LPAR6: variants seen among roughly 807,000 people sequenced by gnomAD.
LPAR6 encodes the protein G-protein coupled purinergic receptor P2Y5.
LPAR6 carries 17 observed loss-of-function variants against 22.0 expected under a neutral mutation model. The ratio of observed to expected loss-of-function variants is 0.77; its 90% confidence interval spans 0.53 to 1.16. LPAR6 has a LOEUF of 1.16. LPAR6 is among the 50% of genes most tolerant of loss of function. The pLI, the probability that LPAR6 is intolerant of heterozygous loss-of-function variation, is 0.00. For missense variants in LPAR6, 384 were observed against 406.9 expected (o/e 0.94, Z 0.48); for synonymous variants, 136 against 139.8 (o/e 0.97, Z 0.19).
chr13:48,406,004 A>AT (rs1247440137), intron 1 of LPAR6, among the ~76,000 whole-genome samples: 1 of 152,048 alleles, frequency 6.6e-6, no homozygotes, highest in Non-Finnish European at 1.5e-5. Context: ...TATTTTGTAT[A>AT]TATACTACAG....
At chr13:48,440,948 GA>G (rs1277138549) in intron 1 of LPAR6, among the ~76,000 whole-genome samples, 3 of 152,008 alleles carry the variant, frequency 2.0e-5, no homozygotes, top group African/African-American at 7.2e-5. Context: ...ATGTAGGGAA[GA>G]AAAAAAGAAT....
chr13:48,420,708 T>C (rs1485410506), intron 2 of LPAR6, among the ~76,000 whole-genome samples: 7 of 152,178 alleles, frequency 4.6e-5, no homozygotes, highest in Admixed American at 4.6e-4. Flanking sequence ...ACAAAATTAA[T>C]GTGCAGAAAT....
At chr13:48,403,133 C>T (rs543248523) in intron 1 of LPAR6, among the ~76,000 whole-genome samples, 131 of 152,176 alleles carry the variant, frequency 8.6e-4, no homozygotes, top group African/African-American at 3.1e-3. Context: ...TTAAAGATCT[C>T]CTGTGTTTTG....
At position 48,411,647 on chromosome 13, in the gene LPAR6, T is replaced by C. The variant is rs1371085539; in HGVS notation, c.777A>G (p.Thr259=). 2 of 1,611,542 alleles carry C rather than the reference T, an allele frequency of 1.2e-6. No individual in the cohort carries two copies. Among genetic ancestry groups the C allele is most frequent in the African/African-American group, 2.7e-5 (2 of 74,854 alleles). ...LILYSLVRTQ[T]FVNCSVVAAV... The stretch of plus-strand genomic sequence containing the variant: ...CTGCCACTACTGAGCAATTAACAAA[T>C]GTTTGTGTTCTCACAAGAGAATATA... The change falls in exon 1 of 1, where the codon ACA becomes ACG. Residue 259 remains threonine, a synonymous_variant. Transcript: ENST00000620633.
chr13:48,426,844 G>C (rs1593506761), intron 1 of LPAR6: 1 of 152,270 alleles, frequency 6.6e-6, no homozygotes, highest in Admixed American at 6.5e-5. Context: ...AAAGAGTAGG[G>C]TTTAGTTGGC....
upstream of LPAR6, among the ~76,000 whole-genome samples, chr13:48,417,847 G>A (rs780184517): frequency 7.9e-5 from 12 of 151,998 alleles, no homozygotes; most frequent in Non-Finnish European, 1.5e-4. Flanking sequence ...GAAAAGAAAC[G>A]AACAAAGCCT....
intron 1 of LPAR6, among the ~76,000 whole-genome samples, chr13:48,405,217 AT>A (rs1461352480): frequency 6.6e-6 from 1 of 152,222 alleles, no homozygotes; most frequent in African/African-American, 2.4e-5. Flanking sequence ...TTCATAAAGA[AT>A]GCCTTCAACA....
intron 1 of LPAR6, among the ~76,000 whole-genome samples, chr13:48,403,940 G>T (rs1176123077): frequency 6.6e-6 from 1 of 152,154 alleles, no homozygotes; most frequent in Non-Finnish European, 1.5e-5. Context: ...AGTTGAGGCT[G>T]CAGGGAGCCG....
Position 48,411,575 on chromosome 13 carries a change from G to C in LPAR6, c.849C>G (p.Asn283Lys). Residue 283 changes from asparagine (N) to lysine (K), a missense_variant, in exon 1 of 1, where the codon AAC becomes AAG. Coordinates refer to ENST00000620633, the MANE Select transcript of LPAR6 (RefSeq NM_001162498.3). ...AGTAAACTATAGGGTCAAAACAACA[G>C]TTGGAAACAGCAATACAGAGAGTGA... Reference protein sequence around the residue: ...YPITLCIAVSNCCFDPIVYYF... With the variant: ...YPITLCIAVSKCCFDPIVYYF... 6.2e-7 allele frequency: 1 copy of C among 1,613,570 alleles called. No homozygotes were observed. The highest frequency in any genetic ancestry group is 8.5e-7 in the Non-Finnish European group (1 of 1,179,696).
intron 1 of LPAR6, among the ~76,000 whole-genome samples, chr13:48,441,523 T>C (rs1276501113): frequency 6.6e-6 from 1 of 152,158 alleles, no homozygotes; most frequent in African/African-American, 2.4e-5. Flanking sequence ...TGTTTCAGAA[T>C]TGGAAGCTTT....
intron 1 of LPAR6, among the ~76,000 whole-genome samples, chr13:48,442,351 C>T (rs1452974584): frequency 6.6e-6 from 1 of 152,156 alleles, no homozygotes; most frequent in South Asian, 2.1e-4. Flanking sequence ...CAGGCGCATG[C>T]AACCATGCCC....
downstream of LPAR6, among the ~76,000 whole-genome samples, chr13:48,409,150 CTTT>C (rs1282281494): frequency 5.3e-5 from 7 of 131,006 alleles, no homozygotes; most frequent in East Asian, 4.4e-4. Context: ...TTTCTTTTCT[CTTT>C]TTTTTTTTTT....
In LPAR6 at chr13:48,392,298, A is replaced by T. The variant is rs541016564; in HGVS notation, n.115-2486T>A. Among the ~76,000 whole-genome samples the T allele has an allele frequency of 1.3e-3, 202 of 152,136 alleles. 2 individuals are homozygous for T. The highest frequency in any genetic ancestry group is 6.8e-3 in the Middle Eastern group (2 of 294). On this transcript the variant is annotated intron_variant and non_coding_transcript_variant, in intron 1 of 1. Coordinates refer to the LPAR6 transcript ENST00000462781. ...GCTAATTTTTGTATTTTTAGTAAAGATGGGGTTTCACCATGCTGGCCAGGC... is the reference window on the plus strand; with the variant it reads ...GCTAATTTTTGTATTTTTAGTAAAGTTGGGGTTTCACCATGCTGGCCAGGC...
intron 1 of LPAR6, among the ~76,000 whole-genome samples, chr13:48,423,618 A>G (rs1949039076): frequency 6.6e-6 from 1 of 152,222 alleles, no homozygotes. Context: ...GAATTCTCTC[A>G]TTAAAAGTTT....
intron 1 of LPAR6, among the ~76,000 whole-genome samples, chr13:48,443,546 G>T (rs867121008): frequency 6.6e-5 from 10 of 152,090 alleles, no homozygotes; most frequent in Middle Eastern, 3.2e-3. Context: ...ATTAAATGAG[G>T]TAATACATTC....
intron 1 of LPAR6, among the ~76,000 whole-genome samples, chr13:48,436,669 C>T (rs1949187596): frequency 6.6e-6 from 1 of 151,868 alleles, no homozygotes; most frequent in Admixed American, 6.6e-5. Flanking sequence ...GATAGTGGCT[C>T]AGCCAGCATA....
At chr13:48,442,209 T>TC (rs201245685) in intron 1 of LPAR6, among the ~76,000 whole-genome samples, 2,578 of 152,100 alleles carry the variant, frequency 0.017, 51 homozygotes, top group Admixed American at 0.045. Flanking sequence ...GAATTTTATT[T>TC]TTTTTTTTTG....
In LPAR6 at chr13:48,411,204, G is replaced by T. The variant is rs1948793349; in HGVS notation, c.*185C>A. 1.8e-6 allele frequency: 1 copy of T among 546,350 alleles called. No individual in the cohort carries two copies. Among genetic ancestry groups the T allele is most frequent in the Non-Finnish European group, 3.3e-6 (1 of 307,242 alleles). The allele number at this position is 546,350 out of a possible 1,614,324, so 33.8% of individuals were successfully genotyped here. On this transcript the variant is annotated 3_prime_UTR_variant, in exon 1 of 1. Transcript: ENST00000620633. Reference sequence around the variant, plus strand: ...TGGCTCAGAAAAATCAGATGGAGTGGATACACAAATAAAATACATGTTAAT... The same window carrying T: ...TGGCTCAGAAAAATCAGATGGAGTGTATACACAAATAAAATACATGTTAAT...
At chr13:48,428,694 A>G (rs1234733573), upstream of LPAR6, among the ~76,000 whole-genome samples, 2 of 152,238 alleles carry the variant, frequency 1.3e-5, no homozygotes, top group African/African-American at 2.4e-5. Context: ...TTAAAATCGT[A>G]TGATGACCAT....
Sources: gnomAD v4.1 joint callset for allele counts (sites outside exome capture counted in the v4.1 genomes callset) on GRCh38, gnomAD v4.1.1 for gene constraint, MANE v1.5 for transcripts, NCBI Gene and HGNC (gene_info 2026-07-23, HGNC 2026-07-21) for gene names.